NRG3: variants seen among roughly 807,000 people sequenced by gnomAD.
NRG3 encodes the protein pro-neuregulin-3, membrane-bound isoform.
Under a neutral mutation model 66.9 loss-of-function variants are expected in NRG3, and 31 were observed. The observed-to-expected ratio is 0.46, with a 90% confidence interval of 0.35 to 0.63. The LOEUF (loss-of-function observed/expected upper bound fraction) is 0.63, where lower values mean the gene tolerates loss of function less well. Among genes scored for constraint, NRG3 ranks in the 20% least tolerant of loss-of-function variants. The pLI is 0.00. For missense variants in NRG3, 910 were observed against 878.9 expected, an observed-to-expected ratio of 1.04 and a Z score of -0.45; for synonymous variants, 393 against 359.4, an observed-to-expected ratio of 1.09 and a Z score of -1.06.
At chr10:82,618,642 A>C (rs2048826245) in intron 2 of NRG3, among the ~76,000 whole-genome samples, 1 of 152,192 alleles carries the variant, frequency 6.6e-6, no homozygotes, top group Non-Finnish European at 1.5e-5. Context: ...TATGGAATCC[A>C]CAATAGAAGA....
chr10:82,232,713 C>T (rs781376355), intron 1 of NRG3: 4 of 716,530 alleles, frequency 5.6e-6, no homozygotes, highest in Admixed American at 2.0e-5. Context: ...AGGAGAGACT[C>T]GAGAAAATAA....
chr10:82,075,263 T>C (rs2065028011), intron 1 of NRG3, among the ~76,000 whole-genome samples: 1 of 152,188 alleles, frequency 6.6e-6, no homozygotes, highest in African/African-American at 2.4e-5. Flanking sequence ...TGTTATGTGT[T>C]GTGTATGTGG....
At chr10:82,039,026 T>G (rs2062916148) in intron 1 of NRG3, among the ~76,000 whole-genome samples, 1 of 152,144 alleles carries the variant, frequency 6.6e-6, no homozygotes, top group Non-Finnish European at 1.5e-5. Context: ...TAATTTTGTT[T>G]TGAAATGTGT....
At chr10:82,183,846 A>G (rs541971686) in intron 1 of NRG3, among the ~76,000 whole-genome samples, 1 of 152,130 alleles carries the variant, frequency 6.6e-6, no homozygotes, top group South Asian at 2.1e-4. Context: ...TGGCTTAAAG[A>G]TGGGAGTTGA....
intron 1 of NRG3, among the ~76,000 whole-genome samples, chr10:81,924,095 T>C (rs2132904801): frequency 6.6e-6 from 1 of 152,154 alleles, no homozygotes; most frequent in Middle Eastern, 3.4e-3. Context: ...TAGAGAGAAG[T>C]AGTGGGAGAT....
At chr10:82,915,595 C>T (rs970469686) in intron 4 of NRG3, among the ~76,000 whole-genome samples, 1 of 151,620 alleles carries the variant, frequency 6.6e-6, no homozygotes, top group Non-Finnish European at 1.5e-5. Context: ...TTTGCTGTGG[C>T]AATAATACAA....
chr10:81,914,313 C>A (rs1279052274), intron 1 of NRG3, among the ~76,000 whole-genome samples: 2 of 152,120 alleles, frequency 1.3e-5, no homozygotes, highest in Non-Finnish European at 2.9e-5. Context: ...ACCATGCCCA[C>A]GTATTCTTTT....
At chr10:82,983,715 C>G (rs942750081) in intron 8 of NRG3, among the ~76,000 whole-genome samples, 1 of 152,284 alleles carries the variant, frequency 6.6e-6, no homozygotes. Context: ...TTTACAAGCA[C>G]TGTACAGATG....
intron 2 of NRG3, among the ~76,000 whole-genome samples, chr10:82,437,048 T>A (rs1451068009): frequency 6.6e-6 from 1 of 152,070 alleles, no homozygotes; most frequent in African/African-American, 2.4e-5. Context: ...ATCTTAGTGG[T>A]GTTCTCTGTA....
chr10:82,941,655 A>T (rs1173330382), intron 4 of NRG3, among the ~76,000 whole-genome samples: 5 of 152,208 alleles, frequency 3.3e-5, no homozygotes, highest in African/African-American at 1.2e-4. Context: ...ACCTACACAG[A>T]TGATGAGGTT....
At chr10:81,876,614 C>G (rs1278118432) in intron 1 of NRG3, among the ~76,000 whole-genome samples, 3 of 152,176 alleles carry the variant, frequency 2.0e-5, no homozygotes, top group African/African-American at 7.2e-5. Flanking sequence ...TGCAAATTGA[C>G]CGACGATAAA....
At chr10:82,796,303 C>T (rs1361299878) in intron 3 of NRG3, among the ~76,000 whole-genome samples, 1 of 152,092 alleles carries the variant, frequency 6.6e-6, no homozygotes, top group Non-Finnish European at 1.5e-5. Context: ...AAATAAGAGT[C>T]TGAAAGCCGA....
chr10:82,027,648 T>G (rs991483631), intron 1 of NRG3, among the ~76,000 whole-genome samples: 3 of 152,100 alleles, frequency 2.0e-5, no homozygotes, highest in Non-Finnish European at 2.9e-5. Context: ...AATTCAAAAC[T>G]CAAAATTAAC....
chr10:82,694,546 G>C (rs938723715), intron 2 of NRG3, among the ~76,000 whole-genome samples: 1 of 152,074 alleles, frequency 6.6e-6, no homozygotes, highest in Non-Finnish European at 1.5e-5. Context: ...TTTGAGGCTA[G>C]GAGTTTGAGA....
intron 1 of NRG3, among the ~76,000 whole-genome samples, chr10:82,218,330 G>A (rs769228846): frequency 3.0e-4 from 46 of 152,146 alleles, no homozygotes; most frequent in Non-Finnish European, 4.1e-4. Context: ...AAAATTCACC[G>A]CAAAGATTCA....
chr10:82,929,539 G>A (rs1432414915), intron 4 of NRG3, among the ~76,000 whole-genome samples: 1 of 152,144 alleles, frequency 6.6e-6, no homozygotes, highest in East Asian at 1.9e-4. Context: ...TAACAAGTTT[G>A]TCTTCCTTGG....
chr10:82,702,542 A>G (rs1173695077), intron 2 of NRG3, among the ~76,000 whole-genome samples: 2 of 152,214 alleles, frequency 1.3e-5, no homozygotes, highest in African/African-American at 4.8e-5. Flanking sequence ...CTGAGAAACA[A>G]GAACTTGACA....
chr10:82,158,987 A>C (rs879671850), intron 1 of NRG3, among the ~76,000 whole-genome samples: 6 of 151,936 alleles, frequency 3.9e-5, no homozygotes, highest in Non-Finnish European at 7.4e-5. Context: ...GCATGAAACA[A>C]GAAGAAAATG....
intron 4 of NRG3, among the ~76,000 whole-genome samples, chr10:82,869,863 C>A (rs1465993113): frequency 6.6e-6 from 1 of 151,858 alleles, no homozygotes; most frequent in Non-Finnish European, 1.5e-5. Context: ...CCGCCTCGGC[C>A]TCCCAAAGTG....
Sources: allele counts gnomAD v4.1 joint callset (sites outside exome capture counted in the v4.1 genomes callset), GRCh38; gene constraint gnomAD v4.1.1; transcripts MANE v1.5; gene names NCBI Gene and HGNC (gene_info 2026-07-23, HGNC 2026-07-21).